Variants in EYS observed in about 807,000 individuals in gnomAD.
The protein encoded by EYS is EGF-like photoreceptor maintenance factor, also known as protein eyes shut homolog.
A neutral mutation model predicts 282.1 loss-of-function variants in EYS; 250 were observed. The observed-to-expected ratio is 0.89, with a 90% CI of 0.80 to 0.98. The LOEUF (loss-of-function observed/expected upper bound fraction) is 0.98, where lower values mean the gene tolerates loss of function less well. Among genes scored for constraint, EYS ranks in the 50% least tolerant of loss-of-function variants. EYS has a pLI of 0.00. For synonymous variants in EYS, 1,355 were observed against 1,282.9 expected (o/e 1.06, Z -1.20); for missense variants, 4,016 against 3,709.0 (o/e 1.08, Z -2.15).
rs184925310 is a variant in EYS, at chr6:65,172,706, G to C, written c.2024-114979C>G. ...TATTTTGTTAACAGTTTCCAATTTT[G>C]GTCCTTGCAAACTTGTTTAGGAAAA... On this transcript the variant is annotated intron_variant, in intron 12 of 42. Transcript: ENST00000503581. Among the ~76,000 whole-genome samples, 9 of 151,338 alleles carry C rather than the reference G, an allele frequency of 5.9e-5. No individual in the cohort carries two copies. In the East Asian group the frequency reaches 1.8e-3, roughly 30 times the overall value.
chr6:64,132,116 G>A (rs996871653), intron 31 of EYS, among the ~76,000 whole-genome samples: 3 of 151,924 alleles, frequency 2.0e-5, no homozygotes, highest in Non-Finnish European at 2.9e-5. Context: ...TGTCAATGAT[G>A]TTTTATTGTA....
At chr6:65,002,719 G>T (rs1041031434) in intron 13 of EYS, among the ~76,000 whole-genome samples, 1 of 147,570 alleles carries the variant, frequency 6.8e-6, no homozygotes, top group Non-Finnish European at 1.5e-5. Context: ...GGGAAGTCAG[G>T]GACCCCAAAC....
At chr6:64,608,706 C>T (rs967189757) in intron 24 of EYS, among the ~76,000 whole-genome samples, 2 of 152,016 alleles carry the variant, frequency 1.3e-5, no homozygotes, top group Non-Finnish European at 2.9e-5. Context: ...TACATCTGGA[C>T]AATGGAACAT....
At chr6:64,919,419 C>CTT (rs370375636) in intron 15 of EYS, among the ~76,000 whole-genome samples, 9,530 of 135,438 alleles carry the variant, frequency 0.07, 589 homozygotes, top group Admixed American at 0.21. Flanking sequence ...TTCTTTTTTT[C>CTT]TTTTTTTTTT....
At chr6:65,373,770 T>G (rs1159391838) in intron 8 of EYS, among the ~76,000 whole-genome samples, 2 of 152,256 alleles carry the variant, frequency 1.3e-5, no homozygotes, top group South Asian at 4.1e-4. Context: ...TCCTTTACAA[T>G]AAATAATATT....
At chr6:65,706,198 G>A (rs1159618540) in intron 1 of EYS, among the ~76,000 whole-genome samples, 1 of 143,836 alleles carries the variant, frequency 7.0e-6, no homozygotes, top group Non-Finnish European at 1.5e-5. Context: ...GTATATATAT[G>A]AGCATATATA....
chr6:63,980,333 T>A (rs768947950), intron 35 of EYS, among the ~76,000 whole-genome samples: 5 of 151,716 alleles, frequency 3.3e-5, no homozygotes, highest in Non-Finnish European at 7.4e-5. Context: ...TAGGAAGCAT[T>A]CCCCAACCTT....
At chr6:64,396,115 A>G (rs1169700800) in intron 28 of EYS, among the ~76,000 whole-genome samples, 1 of 152,000 alleles carries the variant, frequency 6.6e-6, no homozygotes, top group East Asian at 1.9e-4. Context: ...CAACTCTTCT[A>G]TCCTCATTCA....
At chr6:65,364,592 T>G (rs1288113681) in intron 8 of EYS, among the ~76,000 whole-genome samples, 1 of 151,508 alleles carries the variant, frequency 6.6e-6, no homozygotes, top group South Asian at 2.1e-4. Context: ...TTCTAGGTAA[T>G]TTTATAATTA....
chr6:63,912,381 CA>C (rs1162044774), intron 35 of EYS, among the ~76,000 whole-genome samples: 3 of 152,148 alleles, frequency 2.0e-5, no homozygotes, highest in African/African-American at 4.8e-5. Flanking sequence ...AAATAAAAAA[CA>C]GGTGAAATTA....
chr6:65,157,499 C>A (rs1053036307), intron 12 of EYS, among the ~76,000 whole-genome samples: 10 of 150,674 alleles, frequency 6.6e-5, no homozygotes, highest in African/African-American at 1.7e-4. Context: ...TCATAGAAAT[C>A]AAAATTCAAA....
intron 19 of EYS, among the ~76,000 whole-genome samples, chr6:64,883,439 T>G (rs9637944): frequency 0.15 from 23,356 of 151,100 alleles, 2,128 homozygotes; most frequent in East Asian, 0.49. Flanking sequence ...ACTTTTCTAG[T>G]AGATATATAA....
At chr6:64,133,930 T>C (rs540055805) in intron 31 of EYS, among the ~76,000 whole-genome samples, 1 of 152,188 alleles carries the variant, frequency 6.6e-6, no homozygotes, top group Admixed American at 6.5e-5. Flanking sequence ...TATATACGAA[T>C]GCTAAGGGAA....
chr6:63,856,033 T>A (rs924138810), intron 36 of EYS, among the ~76,000 whole-genome samples: 5 of 148,188 alleles, frequency 3.4e-5, no homozygotes, highest in East Asian at 4.0e-4. Flanking sequence ...TTTTTTTTTT[T>A]ATGTATCACA....
chr6:65,337,936 G>A lies in EYS; in HGVS notation c.1600-2790C>T, dbSNP rs565896235. Reference sequence around the variant, plus strand: ...ACACAGACTTACTTCATATAACTATGTGCTTTCCCTTTTATTTTCAAAATA... The same window carrying A: ...ACACAGACTTACTTCATATAACTATATGCTTTCCCTTTTATTTTCAAAATA... On this transcript the variant is annotated intron_variant, in intron 10 of 42. Coordinates refer to ENST00000503581, the MANE Select transcript of EYS (RefSeq NM_001142800.2). 4.2e-4 allele frequency among the ~76,000 whole-genome samples: 64 copies of A among 151,024 alleles called. No individual in the cohort carries two copies. In the East Asian group the frequency reaches 0.01, roughly 24 times the overall value.
chr6:65,061,188 T>G lies in EYS; in HGVS notation c.2024-3461A>C, dbSNP rs78949239. 2.8e-4 allele frequency among the ~76,000 whole-genome samples: 43 copies of G among 152,066 alleles called. No individual in the cohort carries two copies. The East Asian group carries it at 8.1e-3, about 29-fold the overall frequency. ...AATTTTAGAGCTTTTATTGCCAAAA[T>G]GTAGATTGAATTTAAATGAGATTTC... On this transcript the variant is annotated intron_variant, in intron 12 of 42. Coordinates refer to ENST00000503581, the MANE Select transcript of EYS (RefSeq NM_001142800.2).
At chr6:65,453,112 C>A (rs1764467917) in intron 5 of EYS, among the ~76,000 whole-genome samples, 1 of 151,982 alleles carries the variant, frequency 6.6e-6, no homozygotes, top group African/African-American at 2.4e-5. Context: ...CAAATTTTCA[C>A]AGACATATGT....
chr6:64,068,327 A>G (rs996556921), intron 32 of EYS, among the ~76,000 whole-genome samples: 8 of 151,774 alleles, frequency 5.3e-5, no homozygotes, highest in African/African-American at 1.7e-4. Context: ...CTTTTTTCTT[A>G]TTGAATACAA....
intron 37 of EYS, among the ~76,000 whole-genome samples, chr6:63,801,034 TG>T (rs2149676459): frequency 6.6e-6 from 1 of 152,148 alleles, no homozygotes; most frequent in South Asian, 2.1e-4. Flanking sequence ...ATTGTGCAAA[TG>T]GGTAGGGGCT....
Sources: allele counts gnomAD v4.1 joint callset (sites outside exome capture counted in the v4.1 genomes callset), GRCh38; gene constraint gnomAD v4.1.1; transcripts MANE v1.5; gene names NCBI Gene and HGNC (gene_info 2026-07-23, HGNC 2026-07-21).